The following SGCD variants were observed in gnomAD, a reference collection of about 807,000 sequenced individuals.
The protein encoded by SGCD is delta-sarcoglycan.
SGCD carries 18 observed loss-of-function variants against 36.6 expected under a neutral mutation model. The ratio of observed to expected loss-of-function variants is 0.49; its 90% CI spans 0.34 to 0.73. The LOEUF (loss-of-function observed/expected upper bound fraction) is 0.73, where lower values mean the gene tolerates loss of function less well. Among genes scored for constraint, SGCD ranks in the 30% least tolerant of loss-of-function variants. The pLI is 0.01. For synonymous variants in SGCD, 133 were observed against 130.6 expected (o/e 1.02, Z -0.12); for missense variants, 387 against 346.7 (o/e 1.12, Z -0.92).
the SGCD span, among the ~76,000 whole-genome samples, chr5:155,733,498 G>C: frequency 3.3e-5 from 5 of 152,046 alleles, no homozygotes; most frequent in African/African-American, 1.2e-4. Context: ...ATTCAAGGGT[G>C]GTAATTGAGC....
At chr5:156,121,934 C>T (rs1427852170) in intron 2 of SGCD, among the ~76,000 whole-genome samples, 1 of 152,182 alleles carries the variant, frequency 6.6e-6, no homozygotes. Context: ...CATCCCAATA[C>T]ATGCCACACA....
intron 1 of SGCD, among the ~76,000 whole-genome samples, chr5:156,107,088 C>T (rs1761667290): frequency 6.6e-6 from 1 of 152,138 alleles, no homozygotes; most frequent in Non-Finnish European, 1.5e-5. Flanking sequence ...GATATACAGT[C>T]ACTCTATTTT....
chr5:156,271,926 A>G (rs1766192291), intron 3 of SGCD, among the ~76,000 whole-genome samples: 1 of 152,252 alleles, frequency 6.6e-6, no homozygotes, highest in Admixed American at 6.5e-5. Flanking sequence ...CTGAAAAGAA[A>G]GAGGGATAAA....
chr5:156,255,268 T>C (rs2127662762), intron 3 of SGCD, among the ~76,000 whole-genome samples: 2 of 152,338 alleles, frequency 1.3e-5, no homozygotes, highest in East Asian at 3.9e-4. Context: ...GCATAATCGA[T>C]ATAAACCCAA....
Position 156,694,477 on chromosome 5 carries a change from T to C in SGCD, c.575+46941T>C, listed in dbSNP as rs556091833. ...ACAATTTTTAATTTTTTTTTCTAAA[T>C]ATTGTTTGCTTTTCACACTAACCCT... On this transcript the variant is annotated intron_variant, in intron 7 of 8. Coordinates refer to ENST00000337851, the MANE Select transcript of SGCD (RefSeq NM_000337.6). Among the ~76,000 whole-genome samples, 19 of 152,346 alleles carry C rather than the reference T, an allele frequency of 1.2e-4. No homozygotes were observed. In the South Asian group the frequency reaches 3.9e-3, roughly 32 times the overall value.
Position 156,338,365 on chromosome 5 carries a change from G to A in SGCD, c.4-6124G>A, listed in dbSNP as rs1319532781. On this transcript the variant is annotated intron_variant, in intron 2 of 8. Transcript: ENST00000337851. ...GGTATTAGACTAGAATATGTGCTTA[G>A]CCTCACAAAGCGGACCAGCTGTGGA... Among the ~76,000 whole-genome samples the A allele has an allele frequency of 2.6e-5, 4 of 152,204 alleles. No individual in the cohort carries two copies. The East Asian group carries it at 7.7e-4, about 29-fold the overall frequency.
At chr5:156,224,520 A>G (rs1764799553) in intron 3 of SGCD, among the ~76,000 whole-genome samples, 1 of 152,142 alleles carries the variant, frequency 6.6e-6, no homozygotes, top group South Asian at 2.1e-4. Context: ...TTTGTTTCCA[A>G]ATTAGTTTTT....
intron 3 of SGCD, among the ~76,000 whole-genome samples, chr5:156,131,606 C>T (rs1343016081): frequency 6.6e-6 from 1 of 152,076 alleles, no homozygotes; most frequent in Non-Finnish European, 1.5e-5. Flanking sequence ...TGGCTGAAAG[C>T]AAAATGCTGT....
intron 3 of SGCD, among the ~76,000 whole-genome samples, chr5:156,141,723 A>G (rs767544127): frequency 1.3e-5 from 2 of 152,228 alleles, no homozygotes; most frequent in Non-Finnish European, 2.9e-5. Context: ...TATCCAGAGC[A>G]TAGTGAAGTA....
At chr5:155,938,815 C>T (rs1490541277) in intron 1 of SGCD, among the ~76,000 whole-genome samples, 3 of 152,198 alleles carry the variant, frequency 2.0e-5, no homozygotes, top group African/African-American at 7.2e-5. Context: ...TTATTAACCC[C>T]ATTTCACAGA....
chr5:156,220,518 T>G (rs910649606), intron 3 of SGCD, among the ~76,000 whole-genome samples: 1 of 152,176 alleles, frequency 6.6e-6, no homozygotes, highest in Non-Finnish European at 1.5e-5. Context: ...AGTGATGTTA[T>G]GAATGGTGGA....
At chr5:156,283,077 G>C (rs1766496457) in intron 3 of SGCD, among the ~76,000 whole-genome samples, 1 of 152,138 alleles carries the variant, frequency 6.6e-6, no homozygotes, top group East Asian at 1.9e-4. Context: ...AAACTCTGCA[G>C]GCCTTTAGTC....
At chr5:156,576,996 C>T (rs1759988632) in intron 4 of SGCD, among the ~76,000 whole-genome samples, 1 of 152,080 alleles carries the variant, frequency 6.6e-6, no homozygotes, top group Non-Finnish European at 1.5e-5. Context: ...CTTGCCCATG[C>T]CTATTTCCTG....
intron 4 of SGCD, among the ~76,000 whole-genome samples, chr5:156,524,045 T>G (rs1158535107): frequency 1.4e-5 from 2 of 138,444 alleles, no homozygotes; most frequent in African/African-American, 5.4e-5. Flanking sequence ...TTATTTCACT[T>G]AAAGTGGCAG....
intron 6 of SGCD, among the ~76,000 whole-genome samples, chr5:156,604,794 AATATATATAAAT>A (rs1581239901): frequency 2.9e-5 from 4 of 136,006 alleles, no homozygotes; most frequent in South Asian, 2.3e-4. Context: ...TTATATGTAT[AATATATATAAAT>A]TATACACTAT....
the SGCD span, among the ~76,000 whole-genome samples, chr5:155,734,743 A>C: frequency 1.3e-5 from 2 of 152,128 alleles, no homozygotes; most frequent in Admixed American, 1.3e-4. Flanking sequence ...ATCGCCTCCA[A>C]ATATTTGCTT....
At chr5:155,881,792 T>C (rs946014620) in intron 1 of SGCD, among the ~76,000 whole-genome samples, 11 of 152,204 alleles carry the variant, frequency 7.2e-5, no homozygotes, top group African/African-American at 2.7e-4. Flanking sequence ...TCTAAACCCT[T>C]TGTTGTCATT....
At chr5:156,146,226 A>C (rs1405747436) in intron 3 of SGCD, among the ~76,000 whole-genome samples, 1 of 152,176 alleles carries the variant, frequency 6.6e-6, no homozygotes, top group African/African-American at 2.4e-5. Flanking sequence ...AAAACAAAAC[A>C]AAAAAGGATT....
At chr5:156,147,433 C>T (rs1341229735) in intron 3 of SGCD, among the ~76,000 whole-genome samples, 1 of 152,160 alleles carries the variant, frequency 6.6e-6, no homozygotes, top group Non-Finnish European at 1.5e-5. Flanking sequence ...ACTCTCTGAC[C>T]ATCTGGTTTT....
Sources: gnomAD v4.1 joint callset for allele counts (sites outside exome capture counted in the v4.1 genomes callset) on GRCh38, gnomAD v4.1.1 for gene constraint, MANE v1.5 for transcripts, NCBI Gene and HGNC (gene_info 2026-07-23, HGNC 2026-07-21) for gene names.